Variants in FGD6 observed in about 807,000 individuals in gnomAD.
The protein encoded by FGD6 is FYVE, RhoGEF and PH domain containing 6.
FGD6 carries 90 observed loss-of-function variants against 149.4 expected under a neutral mutation model. The observed-to-expected ratio is 0.60, with a 90% confidence interval of 0.51 to 0.72. The LOEUF is 0.72. FGD6 is among the 30% of genes least tolerant of loss of function. FGD6 has a pLI of 0.00. For missense variants in FGD6, 1,437 were observed against 1,684.8 expected, an observed-to-expected ratio of 0.85 and a Z score of 2.57; for synonymous variants, 527 against 584.0, an observed-to-expected ratio of 0.90 and a Z score of 1.41.
chr12:95,094,669 G>C lies in FGD6; in HGVS notation c.3523C>G (p.Leu1175Val). Residue 1175 changes from leucine (L) to valine (V), a missense_variant, in exon 15 of 21, where the codon CTA becomes GTA. Leu to Val is a conservative substitution (Grantham distance 32). Around this residue, in one of 2 missense-constraint regions of FGD6, gnomAD observed 382 missense variants for 538.7 expected, o/e 0.71. Coordinates refer to ENST00000343958, the MANE Select transcript of FGD6 (RefSeq NM_018351.4). ...ASSATERDEW[L>V]EAISRAIEEY... The stretch of plus-strand genomic sequence containing the variant: ...TCTATTGCCCTGGAAATCGCTTCTA[G>C]CCATTCATCCCTTTCTGTGGCAGAA... 1 of 1,613,720 alleles carries C rather than the reference G, an allele frequency of 6.2e-7. No homozygotes were observed. The highest frequency in any genetic ancestry group is 8.5e-7 in the Non-Finnish European group (1 of 1,179,892).
chr12:95,077,638 C>G lies in FGD6; in HGVS notation c.*3882G>C, dbSNP rs547918530. 1 of 152,156 alleles carries G rather than the reference C, an allele frequency of 6.6e-6. No homozygotes were observed. Among genetic ancestry groups the G allele is most frequent in the Admixed American group, 6.5e-5 (1 of 15,296 alleles). 9.4% of individuals were successfully genotyped at this position (152,156 alleles called of 1,614,324 possible). A position where few individuals can be genotyped will look rare whatever the true frequency, so the allele number is the denominator to read the frequency against. On this transcript the variant is annotated 3_prime_UTR_variant, in exon 21 of 21. Coordinates refer to ENST00000343958, the MANE Select transcript of FGD6 (RefSeq NM_018351.4). ...CCGTGTTTAAAATGGGATCACACAA[C>G]GGCATTGGAATTAGAAGTTATTGCA... is the stretch of plus-strand genomic sequence containing the variant.
chr12:95,091,675 A>T, intron 17 of FGD6, 32 bp downstream of exon 17: 1 of 1,536,244 alleles, frequency 6.5e-7, no homozygotes, highest in South Asian at 1.2e-5. Flanking sequence ...GGAATAAAGG[A>T]ATTTTTGGTT....
At chr12:95,089,851 G>T (rs1489127632) in intron 17 of FGD6, among the ~76,000 whole-genome samples, 155 bp from the exon 18 acceptor site, 1 of 152,164 alleles carries the variant, frequency 6.6e-6, no homozygotes, top group Non-Finnish European at 1.5e-5. Context: ...ATGGCTGGGA[G>T]TTGAGTGGCA....
Position 95,209,028 on chromosome 12 carries a change from G to A in FGD6, c.2256C>T (p.Arg752=). 11 of 1,613,994 alleles carry A rather than the reference G, an allele frequency of 6.8e-6. No homozygotes were observed. The highest frequency in any genetic ancestry group is 9.3e-6 in the Non-Finnish European group (11 of 1,180,010). The change falls in exon 2 of 21, where the codon CGC becomes CGT. Residue 752 remains arginine (R), a synonymous_variant. Coordinates refer to ENST00000343958, the MANE Select transcript of FGD6 (RefSeq NM_018351.4). ...CGTACTCTGGTATTTCCTCATAATG[G>A]CGTATATTTTCATACTCCGGTGCAC... ...SLCAPEYENI[R]HYEEIPEYEN...
chr12:95,195,599 G>A (rs548398527), intron 2 of FGD6, among the ~76,000 whole-genome samples: 5 of 148,956 alleles, frequency 3.4e-5, no homozygotes, highest in Non-Finnish European at 7.4e-5. Flanking sequence ...AATTTAATTT[G>A]AGAGGAAAAA....
chr12:95,085,921 C>A lies in FGD6; in HGVS notation c.3979-13G>T. Reference sequence around the variant, plus strand: ...TGTTTGCTGATACCTAGATAAGAAACCCCATACAAAGTTTAATGGTTTTCA... The same window carrying A: ...TGTTTGCTGATACCTAGATAAGAAAACCCATACAAAGTTTAATGGTTTTCA... On this transcript the variant is annotated splice_polypyrimidine_tract_variant and intron_variant, in intron 18 of 20. Transcript: ENST00000343958. 1.9e-6 allele frequency: 3 copies of A among 1,590,670 alleles called. No homozygotes were observed. Among genetic ancestry groups the A allele is most frequent in the East Asian group, 2.2e-5 (1 of 44,690 alleles).
rs1300106731 is a variant in FGD6 at position 95,191,330 on chromosome 12, C to G, written c.2441+17513G>C. ...TGTGAGGTCTTTTAATTCAATTTCT[C>G]TTCTCCAAGGGAGCTTTGTTTTAGC... On this transcript the variant is annotated intron_variant, in intron 2 of 20. Coordinates refer to ENST00000343958, the MANE Select transcript of FGD6 (RefSeq NM_018351.4). Among the ~76,000 whole-genome samples, 4 of 152,212 alleles carry G rather than the reference C, an allele frequency of 2.6e-5. No homozygotes were observed. The South Asian group carries it at 8.3e-4, about 32-fold the overall frequency.
rs533635767 is a variant in FGD6, at chr12:95,211,101, G to C, written c.183C>G (p.Thr61=). The change falls in exon 2 of 21, where the codon ACC becomes ACG. Residue 61 remains threonine (T), a synonymous_variant. Transcript: ENST00000343958. ...ACTGCCCAATCTCTCGAACAGGTGA[G>C]GTCTTCAGGACTTTTGGTTTTGGGG... ...AIAPKPKVLK[T]SPVREIGQSP... The C allele has an allele frequency of 7.3e-5, 118 of 1,614,078 alleles. No individual in the cohort carries two copies. The Middle Eastern group carries it at 1.5e-3, about 20-fold the overall frequency.
intron 14 of FGD6, among the ~76,000 whole-genome samples, chr12:95,095,368 A>C (rs1878200550): frequency 7.1e-6 from 1 of 140,128 alleles, no homozygotes; most frequent in South Asian, 2.3e-4. Context: ...TGGTCAGACA[A>C]GGGTATTTTT....
At position 95,080,309 on chromosome 12, in the gene FGD6, G is replaced by T. The variant is rs1454091672; in HGVS notation, c.*1211C>A. The stretch of plus-strand genomic sequence containing the variant: ...TAAATTGTGTATTGTGAACATCAGG[G>T]ATGGCTTTTATCACAGTGTTATTTC... On this transcript the variant is annotated 3_prime_UTR_variant, in exon 21 of 21. Coordinates refer to ENST00000343958, the MANE Select transcript of FGD6 (RefSeq NM_018351.4). 1 of 152,118 alleles carries T rather than the reference G, an allele frequency of 6.6e-6. No individual in the cohort carries two copies. The highest frequency in any genetic ancestry group is 1.9e-4 in the East Asian group (1 of 5,194). The allele number at this position is 152,118 out of a possible 1,614,324, so 9.4% of individuals were successfully genotyped here.
At chr12:95,089,977 C>T (rs1877998777) in intron 17 of FGD6, among the ~76,000 whole-genome samples, 1 of 151,918 alleles carries the variant, frequency 6.6e-6, no homozygotes, top group African/African-American at 2.4e-5. Context: ...TAAAAAAAAT[C>T]CAAAAAACCT....
intron 16 of FGD6, 32 bp downstream of exon 16, chr12:95,092,667 C>T (rs1176844195): frequency 6.2e-7 from 1 of 1,610,966 alleles, no homozygotes. Context: ...ACAGTAAAGA[C>T]CACAATGGAG....
intron 14 of FGD6, among the ~76,000 whole-genome samples, chr12:95,098,467 T>G (rs997433483): frequency 6.6e-6 from 1 of 152,212 alleles, no homozygotes; most frequent in Admixed American, 6.5e-5. Flanking sequence ...CTGCACCATC[T>G]AAGTCACCTG....
chr12:95,088,250 G>A (rs1034192571), intron 18 of FGD6, among the ~76,000 whole-genome samples: 3 of 152,114 alleles, frequency 2.0e-5, no homozygotes, highest in African/African-American at 7.2e-5. Context: ...GGTTGTGGGG[G>A]TGAGGGACTA....
chr12:95,131,141 TGCTCTTCCTG>T (rs1484294042), intron 8 of FGD6, among the ~76,000 whole-genome samples: 8 of 150,172 alleles, frequency 5.3e-5, no homozygotes, highest in African/African-American at 2.0e-4. Context: ...AGAGGGAGGT[TGCTCTTCCTG>T]GCTAGGCTAG....
intron 5 of FGD6, among the ~76,000 whole-genome samples, chr12:95,151,551 A>G (rs1266636225): frequency 6.6e-6 from 1 of 152,162 alleles, no homozygotes; most frequent in Non-Finnish European, 1.5e-5. Context: ...TACAGTCATG[A>G]GCCACCACAC....
chr12:95,129,280 TATGCATCCATGCATCCATGCATGCATGC>T (rs1565903418), intron 8 of FGD6, among the ~76,000 whole-genome samples: 2 of 144,318 alleles, frequency 1.4e-5, no homozygotes, highest in East Asian at 4.3e-4. Flanking sequence ...TCCATGCATC[TATGCATCCATGCATCCATGCATGCATGC>T]ATGCATCCAT....
At chr12:95,164,555 C>T (rs528549973) in intron 3 of FGD6, among the ~76,000 whole-genome samples, 33 of 152,092 alleles carry the variant, frequency 2.2e-4, no homozygotes, top group Admixed American at 9.8e-4. Context: ...TTCAGTCTCC[C>T]GAGCAGCTGG....
chr12:95,140,446 G>A lies in FGD6; in HGVS notation c.2837+942C>T, dbSNP rs959471845. 6.6e-5 allele frequency among the ~76,000 whole-genome samples: 10 copies of A among 152,040 alleles called. No homozygotes were observed. In the South Asian group the frequency reaches 1.9e-3, roughly 28 times the overall value. ...AGCCTGACCAATATGATGAAACCCC[G>A]CCTCTACTAAAAATACAAAAATTAG... On this transcript the variant is annotated intron_variant, in intron 6 of 20. Coordinates refer to ENST00000343958, the MANE Select transcript of FGD6 (RefSeq NM_018351.4).
Sources: gnomAD v4.1 joint callset for allele counts (sites outside exome capture counted in the v4.1 genomes callset) on GRCh38, gnomAD v4.1.1 for gene constraint, gnomAD v4.1.1 regional missense constraint, MANE v1.5 for transcripts, NCBI Gene and HGNC (gene_info 2026-07-23, HGNC 2026-07-21) for gene names.